Variants in TMEM108 observed in about 807,000 individuals in gnomAD.
The protein encoded by TMEM108 is transmembrane protein 108.
TMEM108 carries 12 observed loss-of-function variants against 35.1 expected under a neutral mutation model. That is an observed-to-expected ratio of 0.34 (90% confidence interval 0.22 to 0.55). The LOEUF (loss-of-function observed/expected upper bound fraction) is 0.55. TMEM108 is among the 20% of genes least tolerant of loss of function. The probability of loss-of-function intolerance (pLI) is 0.89; values close to 1 mark genes in which losing one functional copy is unlikely to be tolerated. For missense variants in TMEM108, 680 were observed against 753.3 expected, an observed-to-expected ratio of 0.90 and a Z score of 1.14; for synonymous variants, 287 against 308.6, an observed-to-expected ratio of 0.93 and a Z score of 0.73.
At chr3:133,115,028 A>G (rs569949447) in intron 2 of TMEM108, among the ~76,000 whole-genome samples, 25 of 152,294 alleles carry the variant, frequency 1.6e-4, no homozygotes, top group African/African-American at 6.0e-4. Flanking sequence ...GAAATCAACA[A>G]ACAAGACCCT....
In TMEM108 at chr3:133,291,469, G is replaced by A. The variant is rs191748372; in HGVS notation, c.40+62118G>A. ...CTAATTTTATTTTTTGTAGAGACACGGTCTCCCTGTGTTGTCCAGGCTGGT... is the reference window on the plus strand; with the variant it reads ...CTAATTTTATTTTTTGTAGAGACACAGTCTCCCTGTGTTGTCCAGGCTGGT... On this transcript the variant is annotated intron_variant, in intron 3 of 5. Transcript: ENST00000321871. Among the ~76,000 whole-genome samples, 41 of 152,090 alleles carry A rather than the reference G, an allele frequency of 2.7e-4. 1 individual carries two copies. Among genetic ancestry groups the A allele is most frequent in the Non-Finnish European group, 4.4e-4 (30 of 67,984 alleles).
chr3:133,222,828 CT>C (rs1168780664), intron 2 of TMEM108, among the ~76,000 whole-genome samples: 2 of 151,804 alleles, frequency 1.3e-5, no homozygotes, highest in Admixed American at 1.3e-4. Flanking sequence ...ACTTAACTTC[CT>C]TCATACAATT....
intron 2 of TMEM108, among the ~76,000 whole-genome samples, chr3:133,082,235 G>A (rs1943820786): frequency 6.6e-6 from 1 of 152,236 alleles, no homozygotes; most frequent in Non-Finnish European, 1.5e-5. Context: ...GGAGTTTACA[G>A]TCTACTGGGG....
chr3:133,239,989 A>G (rs1946290881), intron 3 of TMEM108, among the ~76,000 whole-genome samples: 1 of 152,218 alleles, frequency 6.6e-6, no homozygotes, highest in South Asian at 2.1e-4. Flanking sequence ...AAGAATGAGA[A>G]GGGCACAAGG....
chr3:133,392,945 C>T (rs1708376), intron 5 of TMEM108, among the ~76,000 whole-genome samples: 45,482 of 152,092 alleles, frequency 0.3, 7,999 homozygotes, highest in East Asian at 0.43. Context: ...ATCCCATGTC[C>T]GCCACAGCTT....
intron 1 of TMEM108, among the ~76,000 whole-genome samples, chr3:133,041,342 G>C (rs563577430): frequency 6.6e-6 from 1 of 152,264 alleles, no homozygotes; most frequent in East Asian, 1.9e-4. Context: ...AATCTAGGCT[G>C]CCGTTCCTTC....
At chr3:133,131,251 A>G (rs1422913712) in intron 2 of TMEM108, among the ~76,000 whole-genome samples, 1 of 152,098 alleles carries the variant, frequency 6.6e-6, no homozygotes, top group Non-Finnish European at 1.5e-5. Flanking sequence ...AGATGAAATT[A>G]TTATTCAAGA....
chr3:133,309,658 A>T (rs1206768176), intron 3 of TMEM108, among the ~76,000 whole-genome samples: 2 of 127,600 alleles, frequency 1.6e-5, no homozygotes, highest in African/African-American at 2.9e-5. Flanking sequence ...GTTTCCGTGT[A>T]GTTATGCGGG....
intron 3 of TMEM108, among the ~76,000 whole-genome samples, chr3:133,269,464 T>C (rs1946742356): frequency 6.6e-6 from 1 of 152,106 alleles, no homozygotes; most frequent in Non-Finnish European, 1.5e-5. Context: ...AATCAGGAGG[T>C]ACTTTATGTA....
chr3:133,385,746 A>C (rs2073132039), intron 4 of TMEM108, among the ~76,000 whole-genome samples: 1 of 152,224 alleles, frequency 6.6e-6, no homozygotes, highest in Non-Finnish European at 1.5e-5. Context: ...GTGGAATCAA[A>C]CATACCTGCA....
chr3:133,302,851 G>A (rs77529601), intron 3 of TMEM108, among the ~76,000 whole-genome samples: 1,987 of 152,182 alleles, frequency 0.013, 22 homozygotes, highest in Non-Finnish European at 0.021. Context: ...CACCCCACAC[G>A]TGCACCATGC....
intron 3 of TMEM108, among the ~76,000 whole-genome samples, chr3:133,342,125 A>C (rs1311222810): frequency 6.6e-6 from 1 of 151,854 alleles, no homozygotes; most frequent in Non-Finnish European, 1.5e-5. Flanking sequence ...ATATTTGCAG[A>C]CTATCTATCT....
At chr3:133,220,075 T>C (rs1945966662) in intron 2 of TMEM108, among the ~76,000 whole-genome samples, 1 of 141,442 alleles carries the variant, frequency 7.1e-6, no homozygotes, top group African/African-American at 2.6e-5. Flanking sequence ...TGTTTTTTGT[T>C]TCTTCGGTTT....
chr3:133,199,205 T>C (rs147036233), intron 2 of TMEM108, among the ~76,000 whole-genome samples: 55 of 152,270 alleles, frequency 3.6e-4, no homozygotes, highest in African/African-American at 1.3e-3. Flanking sequence ...TTTTTCAAGG[T>C]TTTTAGCTTC....
intron 2 of TMEM108, among the ~76,000 whole-genome samples, chr3:133,179,042 G>C (rs372774915): frequency 6.6e-6 from 1 of 151,840 alleles, no homozygotes; most frequent in Non-Finnish European, 1.5e-5. Flanking sequence ...GCAGCCAAAA[G>C]ACACATGAAA....
At chr3:133,334,651 AC>A (rs1247392547) in intron 3 of TMEM108, among the ~76,000 whole-genome samples, 1 of 152,180 alleles carries the variant, frequency 6.6e-6, no homozygotes, top group Non-Finnish European at 1.5e-5. Flanking sequence ...GATCTGACAC[AC>A]GCTTTCAAGT....
At chr3:133,162,426 A>G (rs550289474) in intron 2 of TMEM108, among the ~76,000 whole-genome samples, 1 of 152,336 alleles carries the variant, frequency 6.6e-6, no homozygotes, top group East Asian at 1.9e-4. Context: ...GAGCAGACCA[A>G]GATGAAAAAT....
chr3:133,240,899 A>G (rs1186107022), intron 3 of TMEM108, among the ~76,000 whole-genome samples: 1 of 152,216 alleles, frequency 6.6e-6, no homozygotes, highest in Non-Finnish European at 1.5e-5. Flanking sequence ...TAATATTGTA[A>G]GCAAATCTTA....
At chr3:133,115,320 A>G (rs1015174940) in intron 2 of TMEM108, among the ~76,000 whole-genome samples, 5 of 152,218 alleles carry the variant, frequency 3.3e-5, no homozygotes, top group African/African-American at 1.2e-4. Context: ...TAAGCTGACT[A>G]ATAATAATAT....
Sources: gnomAD v4.1 joint callset for allele counts (sites outside exome capture counted in the v4.1 genomes callset) on GRCh38, gnomAD v4.1.1 for gene constraint, MANE v1.5 for transcripts, NCBI Gene and HGNC (gene_info 2026-07-23, HGNC 2026-07-21) for gene names.